MYBPC1: variants seen among roughly 807,000 people sequenced by gnomAD.
MYBPC1 encodes myosin-binding protein C, slow-type.
MYBPC1 carries 52 observed loss-of-function variants against 147.1 expected under a neutral mutation model. That is an observed-to-expected ratio of 0.35 (90% CI 0.28 to 0.45). MYBPC1 has a LOEUF of 0.45. MYBPC1 is among the 20% of genes least tolerant of loss of function. The pLI, the probability that MYBPC1 is intolerant of heterozygous loss-of-function variation, is 1.00. For synonymous variants in MYBPC1, 477 were observed against 475.9 expected, an observed-to-expected ratio of 1.00 and a Z score of -0.03; for missense variants, 1,228 against 1,440.3, an observed-to-expected ratio of 0.85 and a Z score of 2.39.
In MYBPC1 at chr12:101,661,574, T is replaced by C. The variant is rs570193688; in HGVS notation, c.2032+312T>C. 4.6e-5 allele frequency among the ~76,000 whole-genome samples: 7 copies of C among 152,256 alleles called. No individual in the cohort carries two copies. The South Asian group carries it at 1.5e-3, about 32-fold the overall frequency. Reference sequence around the variant, plus strand: ...ACGTCTGATTCTACATGATTTTGTCTATGAAGAAATTTATTTTAGAATTAA... The same window carrying C: ...ACGTCTGATTCTACATGATTTTGTCCATGAAGAAATTTATTTTAGAATTAA... On this transcript the variant is annotated intron_variant, in intron 20 of 31. Coordinates refer to ENST00000361466, the MANE Select transcript of MYBPC1 (RefSeq NM_002465.4).
Position 101,602,209 on chromosome 12 carries a change from TTTATC to T in MYBPC1, c.25+7119_25+7123del, listed in dbSNP as rs1258364758. Reference sequence around the variant, plus strand: ...GAAATACACCAGGTAAAGTGCTTATTTTATCTTATTTTATTTTTTATTTGAGATGG... The same window carrying T: ...GAAATACACCAGGTAAAGTGCTTATTTTATTTTATTTTTTATTTGAGATGG... On this transcript the variant is annotated intron_variant, in intron 1 of 31. Coordinates refer to ENST00000361466, the MANE Select transcript of MYBPC1 (RefSeq NM_002465.4). Among the ~76,000 whole-genome samples, 6 of 151,972 alleles carry T rather than the reference TTTATC, an allele frequency of 3.9e-5. No homozygotes were observed. In the East Asian group the frequency reaches 1.2e-3, roughly 29 times the overall value.
At chr12:101,631,992 T>C in intron 7 of MYBPC1, 29 bp from the exon 8 acceptor site, 1 of 1,531,540 alleles carries the variant, frequency 6.5e-7, no homozygotes, top group Non-Finnish European at 9.1e-7. Context: ...TAAACTGAAA[T>C]GTGTGTGTCT....
At chr12:101,666,894 TACACACACACACACACAC>T (rs1201276523) in intron 22 of MYBPC1, 154 of 313,856 alleles carry the variant, frequency 4.9e-4, no homozygotes, top group African/African-American at 3.2e-3. Context: ...ATCACATACA[TACACACACACACACACAC>T]ACACACACAC....
At chr12:101,666,890 T>TACACACACACACACACACACACACACAC in intron 22 of MYBPC1, 1 of 447,600 alleles carries the variant, frequency 2.2e-6, no homozygotes, top group African/African-American at 2.2e-5. Flanking sequence ...ACTCATCACA[T>TACACACACACACACACACACACACACAC]ACATACACAC....
intron 1 of MYBPC1, among the ~76,000 whole-genome samples, chr12:101,597,052 G>C (rs930300103): frequency 2.0e-5 from 3 of 152,172 alleles, no homozygotes; most frequent in African/African-American, 7.2e-5. Flanking sequence ...ACCTTGAAAA[G>C]CTTTCCTTAG....
At chr12:101,669,008 AC>A (rs1282504108) in intron 23 of MYBPC1, among the ~76,000 whole-genome samples, 4 of 152,098 alleles carry the variant, frequency 2.6e-5, no homozygotes, top group African/African-American at 9.6e-5. Flanking sequence ...AATCACTTGA[AC>A]CCAGGAGGCG....
In MYBPC1 at chr12:101,661,518, T is replaced by C. The variant is rs186874958; in HGVS notation, c.2032+256T>C. ...ATACACACTAATTTTGAAGCAACTA[T>C]AAGCCCAACTTCCACCATCCTAGCC... On this transcript the variant is annotated intron_variant, in intron 20 of 31. Coordinates refer to ENST00000361466, the MANE Select transcript of MYBPC1 (RefSeq NM_002465.4). 2.4e-4 allele frequency among the ~76,000 whole-genome samples: 37 copies of C among 152,310 alleles called. 1 individual carries two copies. The East Asian group carries it at 6.0e-3, about 25-fold the overall frequency.
intron 29 of MYBPC1, 26 bp from the exon 30 acceptor site, chr12:101,682,578 C>G (rs774422482): frequency 1.3e-6 from 2 of 1,596,032 alleles, no homozygotes; most frequent in Non-Finnish European, 1.7e-6. Context: ...TAAATAAATA[C>G]TGGTACAAAT....
intron 15 of MYBPC1, among the ~76,000 whole-genome samples, chr12:101,650,405 T>A (rs1211317352): frequency 1.3e-5 from 2 of 152,156 alleles, no homozygotes; most frequent in Non-Finnish European, 2.9e-5. Context: ...TCCGCATGGC[T>A]GGGGAGACCT....
chr12:101,621,204 C>G (rs756357685), intron 3 of MYBPC1, among the ~76,000 whole-genome samples: 38 of 152,158 alleles, frequency 2.5e-4, no homozygotes, highest in Non-Finnish European at 4.7e-4. Context: ...TTTCTCCATG[C>G]TTAATCTATG....
intron 29 of MYBPC1, among the ~76,000 whole-genome samples, chr12:101,682,337 A>G (rs1359714480): frequency 6.6e-6 from 1 of 152,252 alleles, no homozygotes; most frequent in Non-Finnish European, 1.5e-5. Flanking sequence ...CATATACATG[A>G]TATATTCTTT....
At chr12:101,620,904 C>T (rs118085508) in intron 3 of MYBPC1, among the ~76,000 whole-genome samples, 2 of 151,972 alleles carry the variant, frequency 1.3e-5, no homozygotes, top group Non-Finnish European at 2.9e-5. Flanking sequence ...TTTCTTTTCC[C>T]AGGCATTCAC....
chr12:101,629,601 G>A lies in MYBPC1; in HGVS notation c.289+57G>A, dbSNP rs536493274. 249 of 1,243,726 alleles carry A rather than the reference G, an allele frequency of 2.0e-4. No individual in the cohort carries two copies. The South Asian group carries it at 2.9e-3, about 14-fold the overall frequency. The allele number at this position is 1,243,726 out of a possible 1,614,324, so 77.0% of individuals were successfully genotyped here. On this transcript the variant is annotated intron_variant, in intron 6 of 31. Coordinates refer to ENST00000361466, the MANE Select transcript of MYBPC1 (RefSeq NM_002465.4). Reference sequence around the variant, plus strand: ...TAAAAAATTAAGGTGAGCCGAGCACGGTGCCTCACGCCTGTAATCCCAGCA... The same window carrying A: ...TAAAAAATTAAGGTGAGCCGAGCACAGTGCCTCACGCCTGTAATCCCAGCA...
chr12:101,602,788 C>G (rs1479850775), intron 1 of MYBPC1, among the ~76,000 whole-genome samples: 3 of 152,176 alleles, frequency 2.0e-5, no homozygotes, highest in African/African-American at 7.2e-5. Context: ...TGTGGTGATA[C>G]ATCTTCGCTT....
At chr12:101,648,013 A>G in intron 13 of MYBPC1, 32 bp from the exon 14 acceptor site, 8 of 1,536,920 alleles carry the variant, frequency 5.2e-6, no homozygotes, top group Non-Finnish European at 7.2e-6. Flanking sequence ...TTGGATATTT[A>G]ATGATTCTGA....
rs1422837584 is a variant in MYBPC1 at position 101,626,892 on chromosome 12, C to A, written c.124C>A (p.Pro42Thr). The part of the protein sequence containing the change: ...PAKDEEEVSP[P>T]SALPPGLGSR... ...TTCAGATGAAGAGGAAGTCTCCCCG[C>A]CTAGCGCCTTGCCTCCAGGTTGGGA... is the stretch of plus-strand genomic sequence containing the variant. The change falls in exon 4 of 32, where the codon CCT becomes ACT. Residue 42 changes from proline (P) to threonine (T), a missense_variant. Transcript: ENST00000361466. 1.2e-5 allele frequency: 19 copies of A among 1,612,730 alleles called. No homozygotes were observed. The highest frequency in any genetic ancestry group is 6.7e-5 in the African/African-American group (5 of 74,862).
chr12:101,651,089 TA>T, intron 15 of MYBPC1, 141 bp from the exon 16 acceptor site: 1 of 892,386 alleles, frequency 1.1e-6, no homozygotes, highest in Non-Finnish European at 1.8e-6. Flanking sequence ...AATTATCCTC[TA>T]ATATATTAAT....
intron 29 of MYBPC1, 74 bp from the exon 30 acceptor site, chr12:101,682,530 G>C: frequency 7.2e-7 from 1 of 1,393,448 alleles, no homozygotes; most frequent in South Asian, 1.2e-5. Context: ...CTTGAATCAA[G>C]TTGAGTTGTG....
At chr12:101,690,046 G>A (rs181173234), downstream of MYBPC1, among the ~76,000 whole-genome samples, 291 of 152,196 alleles carry the variant, frequency 1.9e-3, 1 homozygote, top group African/African-American at 6.5e-3. Flanking sequence ...GTGGTGGCGC[G>A]TGCCTGTAAT....
Sources: allele counts gnomAD v4.1 joint callset (sites outside exome capture counted in the v4.1 genomes callset), GRCh38; gene constraint gnomAD v4.1.1; transcripts MANE v1.5; gene names NCBI Gene and HGNC (gene_info 2026-07-23, HGNC 2026-07-21).